The following ZGRF1 variants were observed in gnomAD, a reference collection of about 807,000 sequenced individuals.
ZGRF1 encodes the protein 5'-3' DNA helicase ZGRF1.
ZGRF1 carries 196 observed loss-of-function variants against 203.5 expected under a neutral mutation model. The ratio of observed to expected loss-of-function variants is 0.96; its 90% CI spans 0.86 to 1.08. ZGRF1 has a LOEUF of 1.08. ZGRF1 is among the 50% of genes least tolerant of loss of function. The pLI, the probability that ZGRF1 is intolerant of heterozygous loss-of-function variation, is 0.00. For synonymous variants in ZGRF1, 809 were observed against 841.3 expected (o/e 0.96, Z 0.66); for missense variants, 2,326 against 2,416.3 (o/e 0.96, Z 0.78).
At chr4:112,599,276 T>C (rs1336162160) in intron 10 of ZGRF1, among the ~76,000 whole-genome samples, 1 of 152,126 alleles carries the variant, frequency 6.6e-6, no homozygotes. Flanking sequence ...TAACATATTA[T>C]AAAAATGTTA....
intron 8 of ZGRF1, among the ~76,000 whole-genome samples, chr4:112,608,945 A>C (rs1255416465): frequency 6.6e-6 from 1 of 152,244 alleles, no homozygotes; most frequent in African/African-American, 2.4e-5. Flanking sequence ...TTTATACTAA[A>C]TGAAAATCAC....
intron 16 of ZGRF1, among the ~76,000 whole-genome samples, chr4:112,567,646 C>T (rs887982774): frequency 6.6e-6 from 1 of 152,086 alleles, no homozygotes; most frequent in Admixed American, 6.5e-5. Flanking sequence ...AGAAAACAGG[C>T]CAGGCACAAT....
chr4:112,612,431 T>C (rs1202071187), intron 7 of ZGRF1, 93 bp downstream of exon 7: 11 of 787,210 alleles, frequency 1.4e-5, no homozygotes, highest in Non-Finnish European at 2.1e-5. Flanking sequence ...TGAACCAAGA[T>C]AGCTTGGGAC....
intron 16 of ZGRF1, among the ~76,000 whole-genome samples, chr4:112,569,261 C>T (rs28687125): frequency 0.16 from 23,978 of 152,170 alleles, 2,173 homozygotes; most frequent in East Asian, 0.42. Flanking sequence ...TCAAAGTAGG[C>T]TGTCCTAAAC....
At chr4:112,615,175 A>T (rs1449869447) in intron 6 of ZGRF1, among the ~76,000 whole-genome samples, 2 of 152,128 alleles carry the variant, frequency 1.3e-5, no homozygotes, top group Non-Finnish European at 2.9e-5. Flanking sequence ...AAATAATCAG[A>T]ATCAACTTTA....
At position 112,583,983 on chromosome 4, in the gene ZGRF1, CA is replaced by C. The variant is rs1374657027; in HGVS notation, c.4292del (p.Leu1431TrpfsTer2). On this transcript the variant is annotated frameshift_variant, in exon 15 of 28. Coordinates refer to ENST00000505019, the MANE Select transcript of ZGRF1 (RefSeq NM_018392.5). LOFTEE classifies it high-confidence loss of function. Reference protein sequence around the residue: ...KIPLYEECQLLVRKGFDFQRK... With the variant: ...KIPLYEECQLXVRKGFDFQRK... ...TTTGGTACTATAAAACATACCTCAC[CA>C]AAAGCTGGCATTCCTCATAAAGTGG... 1 of 1,595,464 alleles carries C rather than the reference CA, an allele frequency of 6.3e-7. No homozygotes were observed. The highest frequency in any genetic ancestry group is 1.4e-5 in the African/African-American group (1 of 74,024).
Position 112,617,807 on chromosome 4 carries a change from C to G in ZGRF1, c.2235G>C (p.Gln745His), listed in dbSNP as rs761809491. 2.4e-5 allele frequency: 39 copies of G among 1,613,722 alleles called. No homozygotes were observed. Among genetic ancestry groups the G allele is most frequent in the Middle Eastern group, 1.6e-4 (1 of 6,082 alleles). Residue 745 changes from glutamine to histidine, a missense_variant, in exon 6 of 28, where the codon CAG becomes CAC. By Grantham distance (24) the Gln-to-His change is conservative. Transcript: ENST00000505019. ...CAAGTGCAATACATTCATAGTGATT[C>G]TGATTGGTATTTAATAGTTGGACAC... ...DNSVQLLNTN[Q>H]NHYECIALDK...
intron 5 of ZGRF1, 81 bp downstream of exon 5, chr4:112,619,921 A>G (rs1194326058): frequency 9.2e-6 from 11 of 1,196,306 alleles, no homozygotes; most frequent in Non-Finnish European, 1.3e-5. Context: ...ATGACAGAGT[A>G]CAATAACTTC....
At chr4:112,592,946 CAG>C (rs59568264) in intron 10 of ZGRF1, among the ~76,000 whole-genome samples, 136 of 152,248 alleles carry the variant, frequency 8.9e-4, no homozygotes, top group African/African-American at 3.1e-3. Context: ...AGAGAGACAA[CAG>C]AGAATTCTCT....
In ZGRF1 at chr4:112,540,025, T is replaced by C; in HGVS notation, c.6010A>G (p.Ile2004Val). 1 of 1,612,644 alleles carries C rather than the reference T, an allele frequency of 6.2e-7. No homozygotes were observed. Among genetic ancestry groups the C allele is most frequent in the Non-Finnish European group, 8.5e-7 (1 of 1,179,114 alleles). ...DAFQGAEKEIIILSCVRTRQV... is the reference protein window; with the variant it reads ...DAFQGAEKEIVILSCVRTRQV... ...CTTGTCCTTACACAGGACAGAATAA[T>C]GATCTCCTTTTCAGCTCCCTGAAAA... is the stretch of plus-strand genomic sequence containing the variant. The change falls in exon 27 of 28, where the codon ATT (isoleucine) becomes GTT (valine). Residue 2004 changes from isoleucine (I) to valine (V), a missense_variant. By Grantham distance (29) the Ile-to-Val change is conservative (BLOSUM62 3). Coordinates refer to ENST00000505019, the MANE Select transcript of ZGRF1 (RefSeq NM_018392.5).
rs770051014 is a variant in ZGRF1, at chr4:112,612,584, C to T, written c.2607G>A (p.Arg869=). 1.5e-5 allele frequency: 24 copies of T among 1,592,246 alleles called. No homozygotes were observed. The South Asian group carries it at 2.6e-4, about 17-fold the overall frequency. The change falls in exon 7 of 28, where the codon AGG becomes AGA. Residue 869 remains arginine (R), a synonymous_variant. Transcript: ENST00000505019. ...TYEPDSPPEV[R]KPFITVVSPK... ...GTGAAACTACTGTAATAAATGGTTT[C>T]CTCACTGTAATGGAGAAAAGAAATA... is the stretch of plus-strand genomic sequence containing the variant.
chr4:112,618,953 C>A lies in ZGRF1; in HGVS notation c.1089G>T (p.Leu363Phe). ...KAQEDDVNSN[L>F]KDLSLQKIIQ... ...TAATTTTTTGTAATGAAAGGTCTTTCAAATTAGAATTTACATCATCTTCCT... is the reference window on the plus strand; with the variant it reads ...TAATTTTTTGTAATGAAAGGTCTTTAAAATTAGAATTTACATCATCTTCCT... Residue 363 changes from leucine (L) to phenylalanine (F), a missense_variant, in exon 6 of 28, where the codon TTG becomes TTT. Physicochemically the swap from Leu to Phe is conservative, Grantham distance 22. Coordinates refer to ENST00000505019, the MANE Select transcript of ZGRF1 (RefSeq NM_018392.5). 6.2e-7 allele frequency: 1 copy of A among 1,613,758 alleles called. No homozygotes were observed. The highest frequency in any genetic ancestry group is 8.5e-7 in the Non-Finnish European group (1 of 1,179,890).
chr4:112,570,404 C>T (rs1743989329), intron 16 of ZGRF1, among the ~76,000 whole-genome samples: 1 of 152,074 alleles, frequency 6.6e-6, no homozygotes. Context: ...GCCTGGCCAA[C>T]ATGGTGAAAA....
At chr4:112,566,205 T>C (rs866021552) in intron 16 of ZGRF1, among the ~76,000 whole-genome samples, 3 of 151,438 alleles carry the variant, frequency 2.0e-5, no homozygotes, top group Non-Finnish European at 4.4e-5. Flanking sequence ...ATGGATGAAA[T>C]TGGAAATCAT....
intron 14 of ZGRF1, among the ~76,000 whole-genome samples, chr4:112,584,513 T>C (rs1480198846): frequency 6.6e-6 from 1 of 152,160 alleles, no homozygotes; most frequent in Non-Finnish European, 1.5e-5. Context: ...CTCATTCGCG[T>C]AAGTACACAC....
intron 2 of ZGRF1, among the ~76,000 whole-genome samples, 188 bp from the exon 3 acceptor site, chr4:112,632,198 T>C (rs1487828955): frequency 6.6e-6 from 1 of 151,266 alleles, no homozygotes; most frequent in East Asian, 1.9e-4. Flanking sequence ...ACATTAAATA[T>C]TAATTAAATG....
intron 2 of ZGRF1, among the ~76,000 whole-genome samples, chr4:112,632,352 A>G (rs965250993): frequency 6.6e-6 from 1 of 152,124 alleles, no homozygotes; most frequent in Admixed American, 6.5e-5. Flanking sequence ...TGAGCTCCCT[A>G]GTCATCAATT....
intron 24 of ZGRF1, among the ~76,000 whole-genome samples, chr4:112,545,236 T>C (rs1409949002): frequency 6.6e-6 from 1 of 151,334 alleles, no homozygotes; most frequent in Non-Finnish European, 1.5e-5. Flanking sequence ...GTAAATCATA[T>C]ATTTGAAAAA....
chr4:112,578,974 A>C lies in ZGRF1; in HGVS notation c.4438+2689T>G, dbSNP rs1745728246. Among the ~76,000 whole-genome samples the C allele has an allele frequency of 1.6e-5, 2 of 122,672 alleles. 1 individual carries two copies. The highest frequency in any genetic ancestry group is 6.0e-4 in the South Asian group (2 of 3,308). 80.5% of individuals were successfully genotyped at this position (122,672 alleles called of 152,430 possible). On this transcript the variant is annotated intron_variant, in intron 16 of 27. Coordinates refer to ENST00000505019, the MANE Select transcript of ZGRF1 (RefSeq NM_018392.5). ...CCTGGCAGAGACACAACAAAAAAAC[A>C]GAATTTTAGACCAATATCCCTGATG...
Sources: gnomAD v4.1 joint callset for allele counts (sites outside exome capture counted in the v4.1 genomes callset) on GRCh38, gnomAD v4.1.1 for gene constraint, MANE v1.5 for transcripts, NCBI Gene and HGNC (gene_info 2026-07-23, HGNC 2026-07-21) for gene names.